Variants in TENM3 observed in about 807,000 individuals in gnomAD.
The protein encoded by TENM3 is teneurin-3.
In TENM3, 63 loss-of-function variants were observed where a neutral mutation model predicts 255.1. The ratio of observed to expected loss-of-function variants is 0.25; its 90% CI spans 0.20 to 0.30. The LOEUF (loss-of-function observed/expected upper bound fraction) is 0.30. Ranked by LOEUF, TENM3 falls within the 10% of genes least tolerant of loss-of-function variation. The pLI is 1.00. For missense variants in TENM3, 2,929 were observed against 3,461.1 expected (o/e 0.85, Z 3.86); for synonymous variants, 1,306 against 1,322.3 (o/e 0.99, Z 0.27).
At chr4:181,473,096 A>G in the TENM3 span, among the ~76,000 whole-genome samples, 4 of 151,918 alleles carry the variant, frequency 2.6e-5, no homozygotes, top group African/African-American at 9.7e-5. Context: ...ACAATATTTC[A>G]TTAAACATTT....
chr4:182,179,672 C>T (rs188257789), intron 1 of TENM3, among the ~76,000 whole-genome samples: 21 of 152,284 alleles, frequency 1.4e-4, no homozygotes, highest in African/African-American at 3.1e-4. Flanking sequence ...TTCCCTCTCA[C>T]GGAACACATT....
At chr4:182,685,278 C>T (rs566647215) in intron 11 of TENM3, among the ~76,000 whole-genome samples, 6 of 152,070 alleles carry the variant, frequency 3.9e-5, no homozygotes, top group African/African-American at 1.4e-4. Context: ...TCTTTTGGCC[C>T]ATACACCTCT....
the TENM3 span, among the ~76,000 whole-genome samples, chr4:181,635,158 G>GC: frequency 6.6e-6 from 1 of 152,160 alleles, no homozygotes; most frequent in Non-Finnish European, 1.5e-5. Context: ...AGCAGCAGAA[G>GC]GGAGGCATGC....
chr4:182,378,574 C>G (rs1461413764), intron 3 of TENM3, among the ~76,000 whole-genome samples: 3 of 152,020 alleles, frequency 2.0e-5, no homozygotes, highest in African/African-American at 7.2e-5. Flanking sequence ...GAAAGCATCG[C>G]AAAGACCCCA....
chr4:182,696,650 G>A (rs551811447), intron 12 of TENM3, among the ~76,000 whole-genome samples: 2 of 152,132 alleles, frequency 1.3e-5, no homozygotes, highest in South Asian at 4.1e-4. Flanking sequence ...GCTTGAACCA[G>A]GGAGTCAGAG....
At chr4:182,206,224 G>A (rs919527065) in intron 1 of TENM3, among the ~76,000 whole-genome samples, 6 of 152,162 alleles carry the variant, frequency 3.9e-5, no homozygotes, top group African/African-American at 1.2e-4. Context: ...CTCAGAGCAG[G>A]TTTCCTGGCT....
the TENM3 span, among the ~76,000 whole-genome samples, chr4:181,840,316 C>T: frequency 2.0e-4 from 31 of 152,054 alleles, no homozygotes; most frequent in East Asian, 5.2e-3. Context: ...TTTTAATAAG[C>T]GAACATTTTA....
the TENM3 span, among the ~76,000 whole-genome samples, chr4:181,447,875 TA>T: frequency 2.0e-5 from 3 of 152,176 alleles, no homozygotes; most frequent in African/African-American, 7.2e-5. Flanking sequence ...GACACACTTC[TA>T]AAAGACTGTC....
At chr4:182,290,011 C>T (rs957697905) in intron 1 of TENM3, among the ~76,000 whole-genome samples, 7 of 151,224 alleles carry the variant, frequency 4.6e-5, no homozygotes, top group Admixed American at 2.0e-4. Flanking sequence ...TCGTGCCCTA[C>T]GGTGCTGTCC....
intron 24 of TENM3, among the ~76,000 whole-genome samples, chr4:182,784,932 C>A (rs1765509502): frequency 6.6e-6 from 1 of 152,132 alleles, no homozygotes; most frequent in Non-Finnish European, 1.5e-5. Context: ...GTGCGCGCAC[C>A]CACTGACCTG....
chr4:182,681,433 T>G (rs1226542230), intron 10 of TENM3, among the ~76,000 whole-genome samples: 2 of 152,214 alleles, frequency 1.3e-5, no homozygotes, highest in Non-Finnish European at 2.9e-5. Flanking sequence ...AACTCATTTA[T>G]TTCTCAAACA....
At chr4:182,680,466 T>A in intron 9 of TENM3, 77 bp from the exon 10 acceptor site, 1 of 1,555,928 alleles carries the variant, frequency 6.4e-7, no homozygotes. Flanking sequence ...TATTGCTTGT[T>A]CCAGCGATGT....
At chr4:182,678,488 G>A (rs1430234434) in intron 7 of TENM3, among the ~76,000 whole-genome samples, 1 of 152,146 alleles carries the variant, frequency 6.6e-6, no homozygotes, top group East Asian at 1.9e-4. Flanking sequence ...TAAAGCCCAT[G>A]GCGTTCTCCA....
the TENM3 span, among the ~76,000 whole-genome samples, chr4:181,928,647 C>T: frequency 2.0e-3 from 310 of 152,158 alleles, 2 homozygotes; most frequent in Middle Eastern, 0.014. Context: ...CCTAGCAAGA[C>T]AGGCCAATAT....
chr4:182,013,289 G>A, the TENM3 span, among the ~76,000 whole-genome samples: 1 of 152,160 alleles, frequency 6.6e-6, no homozygotes. Flanking sequence ...CACTAACACT[G>A]GCGTGTTTTT....
At chr4:181,915,888 G>A in the TENM3 span, among the ~76,000 whole-genome samples, 9 of 152,202 alleles carry the variant, frequency 5.9e-5, no homozygotes, top group Non-Finnish European at 1.3e-4. Context: ...TCCGTACCCA[G>A]CAGGCATTAG....
rs868349421 is a variant in TENM3 at position 182,628,725 on chromosome 4, C to A, written c.824C>A (p.Ser275Tyr). 6.2e-7 allele frequency: 1 copy of A among 1,609,238 alleles called. No homozygotes were observed. Among genetic ancestry groups the A allele is most frequent in the Non-Finnish European group, 8.5e-7 (1 of 1,177,744 alleles). Residue 275 changes from serine (S) to tyrosine (Y), a missense_variant, in exon 5 of 28, where the codon TCT (serine) becomes TAT (tyrosine). Ser to Tyr is a moderately radical substitution (Grantham distance 144). Transcript: ENST00000511685. ...GCAACCCCAGGATACACAATGGCAT[C>A]TGGCTCTGTTTATTCACCACCTACT... ...STATPGYTMA[S>Y]GSVYSPPTRP...
chr4:182,426,029 A>C (rs1771198067), intron 3 of TENM3, among the ~76,000 whole-genome samples: 1 of 132,520 alleles, frequency 7.5e-6, no homozygotes. Context: ...AAAAAAAAAA[A>C]ACACTCGAAG....
chr4:181,448,696 C>T, the TENM3 span, among the ~76,000 whole-genome samples: 82 of 152,086 alleles, frequency 5.4e-4, no homozygotes, highest in Non-Finnish European at 9.8e-4. Flanking sequence ...TGCATAAAAG[C>T]AGTTTATTTC....
Sources: gnomAD v4.1 joint callset for allele counts (sites outside exome capture counted in the v4.1 genomes callset) on GRCh38, gnomAD v4.1.1 for gene constraint, MANE v1.5 for transcripts, NCBI Gene and HGNC (gene_info 2026-07-23, HGNC 2026-07-21) for gene names.